THSD7A: variants seen among roughly 807,000 people sequenced by gnomAD.
The protein encoded by THSD7A is thrombospondin type-1 domain-containing protein 7A.
THSD7A carries 96 observed loss-of-function variants against 231.3 expected under a neutral mutation model. That is an observed-to-expected ratio of 0.41 (90% confidence interval 0.35 to 0.49). The LOEUF (loss-of-function observed/expected upper bound fraction) is 0.49. Among genes scored for constraint, THSD7A ranks in the 20% least tolerant of loss-of-function variants. The probability of loss-of-function intolerance (pLI) is 0.05; values close to 1 mark genes in which losing one functional copy is unlikely to be tolerated. For missense variants in THSD7A, 2,290 were observed against 2,070.2 expected, an observed-to-expected ratio of 1.11 and a Z score of -2.06; for synonymous variants, 940 against 743.3, an observed-to-expected ratio of 1.26 and a Z score of -4.30.
chr7:11,670,173 A>G (rs1324862747), intron 1 of THSD7A, among the ~76,000 whole-genome samples: 1 of 152,208 alleles, frequency 6.6e-6, no homozygotes, highest in African/African-American at 2.4e-5. Flanking sequence ...GAATAGTTCA[A>G]TTTGGCTATC....
chr7:11,613,344 C>A (rs1171553518), intron 2 of THSD7A, among the ~76,000 whole-genome samples: 2 of 152,036 alleles, frequency 1.3e-5, no homozygotes, highest in African/African-American at 2.4e-5. Flanking sequence ...AATTGGCAGC[C>A]CTGGGTGAAT....
intron 1 of THSD7A, among the ~76,000 whole-genome samples, chr7:11,652,818 T>A (rs1324679076): frequency 6.6e-6 from 1 of 151,934 alleles, no homozygotes; most frequent in South Asian, 2.1e-4. Context: ...CTTGGAAATG[T>A]TTATTAGAAC....
chr7:11,552,645 G>T, intron 4 of THSD7A, among the ~76,000 whole-genome samples: 1 of 151,918 alleles, frequency 6.6e-6, no homozygotes, highest in South Asian at 2.1e-4. Context: ...TTTTAACAAA[G>T]AACAGCCTGT....
At chr7:11,530,937 G>A (rs917210066) in intron 6 of THSD7A, among the ~76,000 whole-genome samples, 5 of 152,070 alleles carry the variant, frequency 3.3e-5, no homozygotes, top group African/African-American at 9.7e-5. Flanking sequence ...CTTGAAACTC[G>A]GAGGTGGAGG....
rs1368525778 is a variant in THSD7A at position 11,474,276 on chromosome 7, AGCC to A, written c.2252+55_2252+57del. 6.5e-5 allele frequency: 93 copies of A among 1,425,354 alleles called. No individual in the cohort carries two copies. The highest frequency in any genetic ancestry group is 8.6e-5 in the Non-Finnish European group (89 of 1,035,296). The allele number at this position is 1,425,354 out of a possible 1,614,324, so 88.3% of individuals were successfully genotyped here. A position where few individuals can be genotyped will look rare whatever the true frequency, so the allele number is the denominator to read the frequency against. ...CATTTCATGAAGCCAGTGAAGCCTG[AGCC>A]AATCCTCTGCACAGGTGGCTACACG... On this transcript the variant is annotated intron_variant, in intron 8 of 27. Transcript: ENST00000423059. The surrounding 1 kb of genome is among the most constrained non-coding windows in gnomAD (Gnocchi z 4.1).
chr7:11,466,515 A>G (rs926201274), intron 9 of THSD7A, among the ~76,000 whole-genome samples: 7 of 152,146 alleles, frequency 4.6e-5, no homozygotes, highest in African/African-American at 1.7e-4. Context: ...ACTGTTATCC[A>G]ACAATGACCC....
At chr7:11,718,825 CA>C (rs1367843155) in intron 1 of THSD7A, among the ~76,000 whole-genome samples, 1 of 151,310 alleles carries the variant, frequency 6.6e-6, no homozygotes, top group Non-Finnish European at 1.5e-5. Context: ...CCAAATAAGA[CA>C]AAAAGTTTGG....
At chr7:11,554,589 T>C (rs184317618) in intron 4 of THSD7A, among the ~76,000 whole-genome samples, 2 of 152,192 alleles carry the variant, frequency 1.3e-5, no homozygotes, top group East Asian at 3.9e-4. Context: ...GTGAATTACA[T>C]TGACTAACTT....
chr7:11,580,707 G>C (rs919583805), intron 4 of THSD7A, among the ~76,000 whole-genome samples: 1 of 152,050 alleles, frequency 6.6e-6, no homozygotes, highest in African/African-American at 2.4e-5. Flanking sequence ...ACATAGAGGG[G>C]AACAACACGC....
intron 6 of THSD7A, among the ~76,000 whole-genome samples, chr7:11,496,521 T>C (rs1787106085): frequency 6.6e-6 from 1 of 152,136 alleles, no homozygotes; most frequent in Non-Finnish European, 1.5e-5. Context: ...GGCTGAGACA[T>C]CCGTAATTTT....
intron 1 of THSD7A, among the ~76,000 whole-genome samples, chr7:11,658,058 G>A (rs1335535526): frequency 6.6e-6 from 1 of 151,656 alleles, no homozygotes; most frequent in Non-Finnish European, 1.5e-5. Flanking sequence ...CAAGGGACCA[G>A]CAGTCAGTGA....
intron 12 of THSD7A, 109 bp downstream of exon 12, chr7:11,447,121 C>T (rs1784994902): frequency 2.0e-6 from 2 of 998,654 alleles, no homozygotes; most frequent in Non-Finnish European, 3.0e-6. Flanking sequence ...ACATCTAAAT[C>T]CATTGGCATA....
chr7:11,525,736 A>G (rs949865999), intron 6 of THSD7A, among the ~76,000 whole-genome samples: 45 of 152,202 alleles, frequency 3.0e-4, no homozygotes, highest in African/African-American at 1.0e-3. Context: ...GAAAAAGTGT[A>G]CAATATGACT....
intron 1 of THSD7A, among the ~76,000 whole-genome samples, chr7:11,648,614 G>T (rs1782375805): frequency 7.8e-6 from 1 of 128,138 alleles, no homozygotes; most frequent in African/African-American, 2.9e-5. Flanking sequence ...GGACCCAATA[G>T]CTTGTCAGGA....
chr7:11,813,056 G>A (rs568179487), intron 1 of THSD7A, among the ~76,000 whole-genome samples: 2 of 152,272 alleles, frequency 1.3e-5, no homozygotes, highest in Admixed American at 6.5e-5. Context: ...AACGATGTAG[G>A]CAACTTCCAA....
At chr7:11,596,200 TC>T (rs1164766666) in intron 2 of THSD7A, among the ~76,000 whole-genome samples, 1 of 152,152 alleles carries the variant, frequency 6.6e-6, no homozygotes, top group Non-Finnish European at 1.5e-5. Flanking sequence ...CTTCCATCCT[TC>T]CCCAAGGAAA....
At chr7:11,714,769 C>T (rs937006339) in intron 1 of THSD7A, among the ~76,000 whole-genome samples, 9 of 151,342 alleles carry the variant, frequency 5.9e-5, no homozygotes, top group African/African-American at 1.7e-4. Context: ...ACACAAAATA[C>T]TCTTTCTCCT....
Position 11,607,497 on chromosome 7 carries a change from T to C in THSD7A, c.1023-13995A>G, listed in dbSNP as rs535607374. Among the ~76,000 whole-genome samples the C allele has an allele frequency of 2.3e-4, 35 of 152,258 alleles. No homozygotes were observed. The South Asian group carries it at 7.0e-3, about 31-fold the overall frequency. ...GTTCAACATTTTAAGTTTTTATAAC[T>C]TAACCTCAGTTCTGATTGTCTTGTG... On this transcript the variant is annotated intron_variant, in intron 2 of 27. Transcript: ENST00000423059.
Position 11,417,612 on chromosome 7 carries a change from GAACATA to G in THSD7A, c.3384-15_3384-10del, listed in dbSNP as rs780570637. 40 of 1,592,260 alleles carry G rather than the reference GAACATA, an allele frequency of 2.5e-5. No homozygotes were observed. The highest frequency in any genetic ancestry group is 3.4e-4 in the Middle Eastern group (2 of 5,934). On this transcript the variant is annotated splice_polypyrimidine_tract_variant and intron_variant, in intron 16 of 27. Coordinates refer to ENST00000423059, the MANE Select transcript of THSD7A (RefSeq NM_015204.3). ...CTGTATTCTGCATGCATCTAGAAAA[GAACATA>G]AACATATTCTAGAAAATATACATAC...
Sources: allele counts gnomAD v4.1 joint callset (sites outside exome capture counted in the v4.1 genomes callset), GRCh38; gene constraint gnomAD v4.1.1; non-coding constraint Gnocchi (gnomAD v3.1); transcripts MANE v1.5; gene names NCBI Gene and HGNC (gene_info 2026-07-23, HGNC 2026-07-21).